Variants in MAST2 observed in about 807,000 individuals in gnomAD.
MAST2 encodes microtubule associated serine/threonine kinase 2.
In MAST2, 70 loss-of-function variants were observed where a neutral mutation model predicts 147.4. That is an observed-to-expected ratio of 0.47 (90% CI 0.39 to 0.58). The LOEUF (loss-of-function observed/expected upper bound fraction) is 0.58, where lower values mean the gene tolerates loss of function less well. MAST2 is among the 20% of genes least tolerant of loss of function. The pLI is 0.00. For missense variants in MAST2, 2,080 were observed against 2,302.3 expected, an observed-to-expected ratio of 0.90 and a Z score of 1.98; for synonymous variants, 869 against 896.8, an observed-to-expected ratio of 0.97 and a Z score of 0.55.
chr1:46,008,293 T>C lies in MAST2; in HGVS notation c.903-3T>C, dbSNP rs1308889105. The C allele has an allele frequency of 6.2e-7, 1 of 1,606,572 alleles. No individual in the cohort carries two copies. Among genetic ancestry groups the C allele is most frequent in the African/African-American group, 1.3e-5 (1 of 74,894 alleles). ...GTAACACAATCATTTCTTTCTTTTTTAGTCCCGGACGATCCCCAGTATCCT... is the reference window on the plus strand; with the variant it reads ...GTAACACAATCATTTCTTTCTTTTTCAGTCCCGGACGATCCCCAGTATCCT... On this transcript the variant is annotated splice_region_variant and splice_polypyrimidine_tract_variant and intron_variant, in intron 8 of 28. Coordinates refer to ENST00000361297, the MANE Select transcript of MAST2 (RefSeq NM_015112.3).
At chr1:45,985,340 C>T (rs1428257172) in intron 5 of MAST2, among the ~76,000 whole-genome samples, 8 of 152,158 alleles carry the variant, frequency 5.3e-5, no homozygotes, top group Middle Eastern at 3.4e-3. Flanking sequence ...GTGATCCATC[C>T]GCCTTGGCTT....
At position 46,034,705 on chromosome 1, in the gene MAST2, C is replaced by T; in HGVS notation, c.4036C>T (p.Leu1346=). 2 of 1,614,206 alleles carry T rather than the reference C, an allele frequency of 1.2e-6. No individual in the cohort carries two copies. The highest frequency in any genetic ancestry group is 1.7e-5 in the Admixed American group (1 of 60,028). ...AGCAGGCAGCATCCCACTGTCACCACTGGCCCACACCCCTTCTCCCCCACC... is the reference window on the plus strand; with the variant it reads ...AGCAGGCAGCATCCCACTGTCACCATTGGCCCACACCCCTTCTCCCCCACC... ...KSAGSIPLSP[L]AHTPSPPPPT... The change falls in exon 29 of 29, where the codon CTG becomes TTG. Residue 1346 remains leucine (L), a synonymous_variant. Transcript: ENST00000361297.
At chr1:45,958,172 A>G (rs1557963387) in intron 4 of MAST2, among the ~76,000 whole-genome samples, 2 of 152,016 alleles carry the variant, frequency 1.3e-5, no homozygotes, top group South Asian at 2.1e-4. Flanking sequence ...TTAGGGGAAA[A>G]TGGTTATCAT....
chr1:45,913,654 G>A, intron 4 of MAST2: 1 of 1,015,834 alleles, frequency 9.8e-7, no homozygotes, highest in South Asian at 3.6e-5. Context: ...GTCTTTTGTG[G>A]GGGGATGGGA....
In MAST2 at chr1:46,030,587, C is replaced by T. The variant is rs748361635; in HGVS notation, c.2554-20C>T. On this transcript the variant is annotated intron_variant, in intron 21 of 28. Transcript: ENST00000361297. ...TACGGCTGCCAGAGCCCATCCCCAG[C>T]GCATCCCCTGTGCCCACAGGTGTAC... 8.2e-6 allele frequency: 13 copies of T among 1,586,454 alleles called. No homozygotes were observed. The highest frequency in any genetic ancestry group is 2.3e-5 in the South Asian group (2 of 86,272).
chr1:45,847,862 C>T (rs551950866), intron 3 of MAST2, among the ~76,000 whole-genome samples: 70 of 152,264 alleles, frequency 4.6e-4, no homozygotes, highest in Admixed American at 2.6e-3. Context: ...TTTAATTAGG[C>T]TGTTATTGTC....
At chr1:45,925,845 G>T (rs1241326321) in intron 4 of MAST2, among the ~76,000 whole-genome samples, 1 of 152,182 alleles carries the variant, frequency 6.6e-6, no homozygotes, top group Non-Finnish European at 1.5e-5. Flanking sequence ...CACTCTCAAA[G>T]CTTTCATCCA....
At chr1:45,808,643 C>T (rs1040707112) in intron 1 of MAST2, among the ~76,000 whole-genome samples, 2 of 152,120 alleles carry the variant, frequency 1.3e-5, no homozygotes, top group Non-Finnish European at 2.9e-5. Context: ...TATTTATAAA[C>T]TTTAGTCTTG....
chr1:45,847,642 A>C (rs1289432619), intron 3 of MAST2: 3 of 499,008 alleles, frequency 6.0e-6, no homozygotes. Flanking sequence ...GGAGCTCTGC[A>C]CTCTAGACCC....
chr1:45,946,346 G>C (rs140025282), intron 4 of MAST2, among the ~76,000 whole-genome samples: 5 of 152,268 alleles, frequency 3.3e-5, no homozygotes, highest in African/African-American at 7.2e-5. Flanking sequence ...TGGGGATGGA[G>C]ACAAGTTGCC....
intron 9 of MAST2, among the ~76,000 whole-genome samples, chr1:46,009,685 GTTCC>G (rs1341573940): frequency 1.3e-5 from 2 of 152,178 alleles, no homozygotes; most frequent in Admixed American, 6.5e-5. Context: ...CATGTTTCCA[GTTCC>G]TTCCTATAGG....
intron 4 of MAST2, among the ~76,000 whole-genome samples, chr1:45,886,358 A>G (rs905797125): frequency 1.3e-4 from 19 of 150,720 alleles, no homozygotes; most frequent in African/African-American, 4.6e-4. Flanking sequence ...ATTTATAGTG[A>G]CATTGGTCAG....
intron 6 of MAST2, among the ~76,000 whole-genome samples, chr1:46,001,682 C>T (rs930317282): frequency 6.6e-6 from 1 of 152,156 alleles, no homozygotes; most frequent in African/African-American, 2.4e-5. Context: ...ATGGAACCTG[C>T]GGCTCACCCC....
At chr1:45,882,142 A>G (rs866601287) in intron 3 of MAST2, among the ~76,000 whole-genome samples, 4 of 150,844 alleles carry the variant, frequency 2.7e-5, no homozygotes, top group African/African-American at 7.3e-5. Flanking sequence ...CAGTGAGCCA[A>G]GATTGCGCCA....
intron 4 of MAST2, among the ~76,000 whole-genome samples, chr1:45,886,165 G>C (rs1044716854): frequency 7.3e-5 from 11 of 150,952 alleles, no homozygotes; most frequent in African/African-American, 2.7e-4. Context: ...GGCAACATTT[G>C]AGCAGAGAAC....
At chr1:45,887,972 A>G (rs1363360493) in intron 4 of MAST2, among the ~76,000 whole-genome samples, 1 of 152,200 alleles carries the variant, frequency 6.6e-6, no homozygotes. Flanking sequence ...CCTACAGGGA[A>G]CCAGTTTGTT....
intron 3 of MAST2, among the ~76,000 whole-genome samples, chr1:45,868,932 C>T (rs1372920861): frequency 6.6e-6 from 1 of 152,128 alleles, no homozygotes; most frequent in Non-Finnish European, 1.5e-5. Flanking sequence ...TCAGTTTGTA[C>T]TCTTCAGTTT....
chr1:45,997,760 CAA>C lies in MAST2; in HGVS notation c.631_632del (p.Asn211CysfsTer12), dbSNP rs1288081202. The stretch of plus-strand genomic sequence containing the variant: ...TTGGACAGCCCCCGGAATTTCTCTC[CAA>C]ATGCACCTGCTCACTTTTCTTTTGT... On this transcript the variant is annotated frameshift_variant, in exon 6 of 29. Transcript: ENST00000361297. LOFTEE classifies it high-confidence loss of function. 3 of 1,614,042 alleles carry C rather than the reference CAA, an allele frequency of 1.9e-6. No homozygotes were observed. The highest frequency in any genetic ancestry group is 2.5e-6 in the Non-Finnish European group (3 of 1,180,012).
rs1038571595 is a variant in MAST2, at chr1:45,829,521, C to T, written c.408C>T (p.Asn136=). The T allele has an allele frequency of 7.4e-6, 12 of 1,614,054 alleles. No individual in the cohort carries two copies. The Admixed American group carries it at 1.5e-4, about 20-fold the overall frequency. ...VTWQSSGEAS[N]LVRMRNQSLG... Reference sequence around the variant, plus strand: ...GGCAGTCGTCAGGAGAAGCATCAAACCTGGTTCGAATGAGAAACCAGTCCC... The same window carrying T: ...GGCAGTCGTCAGGAGAAGCATCAAATCTGGTTCGAATGAGAAACCAGTCCC... Residue 136 remains asparagine (N), a synonymous_variant, in exon 3 of 29, where the codon AAC becomes AAT. Transcript: ENST00000361297.
Sources: gnomAD v4.1 joint callset for allele counts (sites outside exome capture counted in the v4.1 genomes callset) on GRCh38, gnomAD v4.1.1 for gene constraint, MANE v1.5 for transcripts, NCBI Gene and HGNC (gene_info 2026-07-23, HGNC 2026-07-21) for gene names.